RANBP2: variants seen among roughly 807,000 people sequenced by gnomAD.
RANBP2 encodes the protein RAN binding protein 2.
In RANBP2, 57 loss-of-function variants were observed where a neutral mutation model predicts 303.6. The ratio of observed to expected loss-of-function variants is 0.19; its 90% CI spans 0.15 to 0.23. The LOEUF is 0.23. RANBP2 is among the 10% of genes least tolerant of loss of function. RANBP2 has a pLI of 1.00. For synonymous variants in RANBP2, 1,167 were observed against 1,301.5 expected (o/e 0.90, Z 2.23); for missense variants, 3,138 against 3,780.8 (o/e 0.83, Z 4.46).
At chr2:109,508,635 A>T in the RANBP2 span, among the ~76,000 whole-genome samples, 1 of 152,226 alleles carries the variant, frequency 6.6e-6, no homozygotes, top group Non-Finnish European at 1.5e-5. Context: ...TTCCAAAAAA[A>T]AAAAATGGAA....
the RANBP2 span, among the ~76,000 whole-genome samples, chr2:109,761,661 A>T: frequency 6.9e-6 from 1 of 145,962 alleles, no homozygotes; most frequent in Non-Finnish European, 1.5e-5. Context: ...CCAACCCGCC[A>T]CTATCTCTTA....
At chr2:109,215,487 C>T in the RANBP2 span, among the ~76,000 whole-genome samples, 5 of 152,170 alleles carry the variant, frequency 3.3e-5, no homozygotes, top group South Asian at 8.3e-4. Context: ...TGGGAGGTAG[C>T]CGGGCCCTGA....
the RANBP2 span, chr2:109,614,348 C>G: frequency 1.0e-4 from 75 of 726,678 alleles, no homozygotes; most frequent in South Asian, 1.9e-3. Flanking sequence ...AGGCGGTGGC[C>G]GAGTCCTCTG....
the RANBP2 span, among the ~76,000 whole-genome samples, chr2:108,825,428 C>T: frequency 6.6e-6 from 1 of 151,606 alleles, no homozygotes; most frequent in African/African-American, 2.4e-5. Context: ...TATCTCCTCT[C>T]TCCAAAAAAA....
the RANBP2 span, among the ~76,000 whole-genome samples, chr2:108,911,231 C>T: frequency 1.6e-4 from 25 of 152,192 alleles, no homozygotes; most frequent in African/African-American, 5.5e-4. Context: ...CCAAATCCTC[C>T]GCGCTGGTTT....
chr2:109,200,653 T>C, the RANBP2 span, among the ~76,000 whole-genome samples: 2 of 152,240 alleles, frequency 1.3e-5, no homozygotes, highest in African/African-American at 4.8e-5. Flanking sequence ...CACCCCTACC[T>C]GGCCAAGCTG....
chr2:109,239,113 TTTTCC>T, the RANBP2 span, among the ~76,000 whole-genome samples: 1 of 152,212 alleles, frequency 6.6e-6, no homozygotes. Context: ...AAGACACGTC[TTTTCC>T]GAGTGTCCCA....
the RANBP2 span, among the ~76,000 whole-genome samples, chr2:109,483,350 A>G: frequency 1.3e-5 from 2 of 152,148 alleles, no homozygotes; most frequent in African/African-American, 4.8e-5. Flanking sequence ...TGCCTCTCAC[A>G]TGTCCCAGGC....
chr2:109,371,787 A>T, the RANBP2 span: 2 of 899,812 alleles, frequency 2.2e-6, no homozygotes, highest in Non-Finnish European at 1.8e-6. Flanking sequence ...GAGAAAGAGG[A>T]TCCTCCACAA....
the RANBP2 span, among the ~76,000 whole-genome samples, chr2:109,329,446 G>C: frequency 6.6e-6 from 1 of 152,220 alleles, no homozygotes; most frequent in Admixed American, 6.5e-5. Context: ...TAAATCAGTG[G>C]CTTCAAATGG....
the RANBP2 span, among the ~76,000 whole-genome samples, chr2:109,264,391 C>CTCGA: frequency 6.6e-6 from 1 of 151,732 alleles, no homozygotes; most frequent in Non-Finnish European, 1.5e-5. Flanking sequence ...CAGGATCCAC[C>CTCGA]TCGAGTCTGT....
At chr2:109,589,245 T>A in the RANBP2 span, among the ~76,000 whole-genome samples, 4 of 152,016 alleles carry the variant, frequency 2.6e-5, no homozygotes, top group Non-Finnish European at 5.9e-5. Context: ...CAGGTTCAAG[T>A]GGTCAGGTCA....
chr2:109,213,875 C>T, the RANBP2 span, among the ~76,000 whole-genome samples: 1 of 152,182 alleles, frequency 6.6e-6, no homozygotes, highest in Non-Finnish European at 1.5e-5. Flanking sequence ...TGAAGTAACC[C>T]AAGCCCATGA....
the RANBP2 span, chr2:109,432,364 A>G: frequency 1.8e-6 from 2 of 1,113,880 alleles, no homozygotes; most frequent in African/African-American, 3.1e-5. Flanking sequence ...GCCTCTGTAA[A>G]CTGCAGAGCC....
At chr2:109,485,922 CA>C in the RANBP2 span, among the ~76,000 whole-genome samples, 4 of 152,268 alleles carry the variant, frequency 2.6e-5, no homozygotes, top group Admixed American at 2.6e-4. Flanking sequence ...ACACACCTAC[CA>C]GCACCTGGCT....
At chr2:109,326,046 A>C in the RANBP2 span, among the ~76,000 whole-genome samples, 1 of 152,260 alleles carries the variant, frequency 6.6e-6, no homozygotes, top group Admixed American at 6.5e-5. Context: ...GGAGACCTAG[A>C]GGCCCTCCAG....
chr2:108,906,973 C>T, the RANBP2 span, among the ~76,000 whole-genome samples: 1 of 152,244 alleles, frequency 6.6e-6, no homozygotes, highest in Non-Finnish European at 1.5e-5. Context: ...GTGATGTTGC[C>T]TAGCAACACA....
the RANBP2 span, among the ~76,000 whole-genome samples, chr2:109,730,517 G>A: frequency 6.6e-6 from 1 of 152,176 alleles, no homozygotes; most frequent in South Asian, 2.1e-4. Context: ...GTGAAGCAGA[G>A]ACAGAGAGAA....
chr2:109,347,972 C>T, the RANBP2 span: 6 of 1,576,576 alleles, frequency 3.8e-6, no homozygotes, highest in African/African-American at 8.1e-5. Context: ...CCGGGGTGGG[C>T]CCCGCCAGCC....
Sources: gnomAD v4.1 joint callset for allele counts (sites outside exome capture counted in the v4.1 genomes callset) on GRCh38, gnomAD v4.1.1 for gene constraint, MANE v1.5 for transcripts, NCBI Gene and HGNC (gene_info 2026-07-23, HGNC 2026-07-21) for gene names.